UNC13A: variants seen among roughly 807,000 people sequenced by gnomAD.
The protein encoded by UNC13A is unc-13 homolog A, also known as protein unc-13 homolog A.
In UNC13A, 61 loss-of-function variants were observed where a neutral mutation model predicts 219.7. That is an observed-to-expected ratio of 0.28 (90% CI 0.23 to 0.34). The LOEUF is 0.34. Ranked by LOEUF, UNC13A falls within the 10% of genes least tolerant of loss-of-function variation. UNC13A has a pLI of 1.00. For missense variants in UNC13A, 1,476 were observed against 2,270.3 expected, an observed-to-expected ratio of 0.65 and a Z score of 7.11; for synonymous variants, 920 against 884.6, an observed-to-expected ratio of 1.04 and a Z score of -0.71.
chr19:17,621,803 G>C (rs749871754), intron 37 of UNC13A, 29 bp downstream of exon 37: 6 of 1,613,320 alleles, frequency 3.7e-6, no homozygotes, highest in Non-Finnish European at 5.1e-6. Flanking sequence ...CTGGAGCTCA[G>C]GGCCTCAGTG....
At chr19:17,662,477 A>C (rs978472268) in intron 8 of UNC13A, among the ~76,000 whole-genome samples, 3 of 152,128 alleles carry the variant, frequency 2.0e-5, no homozygotes, top group African/African-American at 7.2e-5. Context: ...TGTAATAATA[A>C]TAATAATAAA....
At chr19:17,606,951 A>G (rs1210920065) in intron 43 of UNC13A, among the ~76,000 whole-genome samples, 3 of 152,026 alleles carry the variant, frequency 2.0e-5, no homozygotes, top group African/African-American at 7.2e-5. Context: ...CCCTGACGCC[A>G]GCTGGATAAG....
intron 26 of UNC13A, among the ~76,000 whole-genome samples, chr19:17,633,474 C>G (rs896889859): frequency 6.6e-6 from 1 of 152,092 alleles, no homozygotes; most frequent in African/African-American, 2.4e-5. Flanking sequence ...ATCCATTCAT[C>G]CATCCTTCCA....
chr19:17,617,402 A>G (rs556219964), intron 41 of UNC13A, among the ~76,000 whole-genome samples: 1 of 152,236 alleles, frequency 6.6e-6, no homozygotes, highest in East Asian at 1.9e-4. Context: ...CCTAAGAGTC[A>G]TCAATCCTAC....
chr19:17,621,799 C>A, intron 37 of UNC13A, 33 bp downstream of exon 37: 2 of 1,610,658 alleles, frequency 1.2e-6, no homozygotes, highest in Non-Finnish European at 1.7e-6. Context: ...GACACTGGAG[C>A]TCAGGGCCTC....
chr19:17,611,044 A>AAAT (rs143713133), intron 42 of UNC13A, among the ~76,000 whole-genome samples: 205 of 152,176 alleles, frequency 1.3e-3, no homozygotes, highest in African/African-American at 4.8e-3. Context: ...TAAAACAAAC[A>AAAT]AACAACAACA....
chr19:17,615,159 C>G (rs2076649563), intron 41 of UNC13A, among the ~76,000 whole-genome samples: 1 of 152,214 alleles, frequency 6.6e-6, no homozygotes, highest in Non-Finnish European at 1.5e-5. Flanking sequence ...TGATGTACCC[C>G]TCGTGGGGCA....
In UNC13A at chr19:17,645,774, G is replaced by A. The variant is rs775989785; in HGVS notation, c.2256C>T (p.Arg752=). ...ATTCCCTCTTGAACCTCTGTTTCAC[G>A]CGGGATTTGATGTCGTCATCCTCGT... ...VWDEDDDIKS[R]VKQRFKRESD... The change falls in exon 19 of 44, where the codon CGC becomes CGT. Residue 752 remains arginine (R), a synonymous_variant. Coordinates refer to ENST00000519716, the MANE Select transcript of UNC13A (RefSeq NM_001080421.3). 27 of 1,613,954 alleles carry A rather than the reference G, an allele frequency of 1.7e-5. No individual in the cohort carries two copies. The East Asian group carries it at 2.4e-4, about 15-fold the overall frequency.
intron 2 of UNC13A, among the ~76,000 whole-genome samples, 197 bp downstream of exon 2, chr19:17,675,815 G>T (rs1232290267): frequency 6.6e-6 from 1 of 151,940 alleles, no homozygotes; most frequent in African/African-American, 2.4e-5. Flanking sequence ...GGGGAGACCC[G>T]GGGACCCCCA....
Position 17,668,173 on chromosome 19 carries a change from C to T in UNC13A, c.412G>A (p.Ala138Thr). ...ELPLDIPEEE[A>T]RYWAKKLEQL... ...TCCAGCTTCTTGGCCCAGTAGCGAGCCTCCTCTTCAGGAATGTCTGCAAGC... is the reference window on the plus strand; with the variant it reads ...TCCAGCTTCTTGGCCCAGTAGCGAGTCTCCTCTTCAGGAATGTCTGCAAGC... The change falls in exon 6 of 44, where the codon GCT becomes ACT. Residue 138 changes from alanine to threonine, a missense_variant. Around this residue, in one of 14 missense-constraint regions of UNC13A, gnomAD observed 203 missense variants for 301.6 expected, o/e 0.67. Coordinates refer to ENST00000519716, the MANE Select transcript of UNC13A (RefSeq NM_001080421.3). 1 of 1,613,648 alleles carries T rather than the reference C, an allele frequency of 6.2e-7. No homozygotes were observed. The highest frequency in any genetic ancestry group is 1.7e-5 in the Admixed American group (1 of 59,998).
Position 17,618,920 on chromosome 19 carries a change from G to A in UNC13A, c.4315C>T (p.Leu1439=), listed in dbSNP as rs2076696676. The A allele has an allele frequency of 1.2e-6, 2 of 1,613,970 alleles. No homozygotes were observed. The highest frequency in any genetic ancestry group is 1.7e-6 in the Non-Finnish European group (2 of 1,179,880). The change falls in exon 39 of 44, where the codon CTG becomes TTG. Residue 1439 remains leucine, a synonymous_variant. Transcript: ENST00000519716. ...IFNAAKELGQ[L]SKLKDHMVRE... ...CCACTCCTCACCTTGAGTTTGGACA[G>A]CTGACCCAGCTCCTTGGCTGCATTG...
chr19:17,675,645 A>G (rs1428233611), intron 2 of UNC13A, among the ~76,000 whole-genome samples: 2 of 120,730 alleles, frequency 1.7e-5, no homozygotes, highest in Non-Finnish European at 3.4e-5. Context: ...AAAAAAAAAA[A>G]AGAAGAAGAA....
intron 24 of UNC13A, 109 bp downstream of exon 24, chr19:17,639,327 G>T: frequency 1.3e-6 from 2 of 1,572,072 alleles, no homozygotes; most frequent in Non-Finnish European, 1.7e-6. Context: ...GAAAGGAAAA[G>T]GTTACTGAGA....
At chr19:17,607,815 C>A (rs1254057636) in intron 43 of UNC13A, among the ~76,000 whole-genome samples, 1 of 151,814 alleles carries the variant, frequency 6.6e-6, no homozygotes, top group Non-Finnish European at 1.5e-5. Flanking sequence ...AAGGATCTAC[C>A]CCGGATGACC....
In UNC13A at chr19:17,606,087, G is replaced by C. The variant is rs3746198; in HGVS notation, c.5079C>G (p.Ser1693=). ...EFVKLKSDTR[S]AEEGGAAPAP is the part of the protein sequence containing the mutation. ...CAGGCGCGGCACCGCCCTCCTCGGC[G>C]GAGCGCGTGTCCGACTTGAGCTTCA... Residue 1693 remains serine (S), a synonymous_variant, in exon 44 of 44, where the codon TCC becomes TCG. Coordinates refer to ENST00000519716, the MANE Select transcript of UNC13A (RefSeq NM_001080421.3). The C allele has an allele frequency of 2.5e-6, 4 of 1,588,206 alleles. No homozygotes were observed. In the East Asian group the frequency reaches 7.2e-5, roughly 28 times the overall value.
chr19:17,639,062 C>A (rs2076940416), intron 25 of UNC13A, 21 bp downstream of exon 25: 2 of 1,564,200 alleles, frequency 1.3e-6, no homozygotes, highest in East Asian at 4.7e-5. Flanking sequence ...CTGTTCCCTT[C>A]TGACCCATCT....
chr19:17,623,750 C>T (rs1259949795), intron 35 of UNC13A, among the ~76,000 whole-genome samples: 3 of 152,082 alleles, frequency 2.0e-5, no homozygotes, highest in Non-Finnish European at 2.9e-5. Context: ...CTCACCCTCC[C>T]CAAGCCTCCG....
chr19:17,611,283 A>G (rs1474302094), intron 42 of UNC13A, among the ~76,000 whole-genome samples: 1 of 152,140 alleles, frequency 6.6e-6, no homozygotes, highest in Non-Finnish European at 1.5e-5. Context: ...TCCCGGGTTC[A>G]AGCGATCCTC....
At chr19:17,658,417 G>A (rs1482117183) in intron 8 of UNC13A, 148 bp from the exon 9 acceptor site, 3 of 781,910 alleles carry the variant, frequency 3.8e-6, no homozygotes, top group Non-Finnish European at 6.3e-6. Flanking sequence ...CATGTTAATA[G>A]AGATATAGGC....
Sources: gnomAD v4.1 joint callset for allele counts (sites outside exome capture counted in the v4.1 genomes callset) on GRCh38, gnomAD v4.1.1 for gene constraint, gnomAD v4.1.1 regional missense constraint, MANE v1.5 for transcripts, NCBI Gene and HGNC (gene_info 2026-07-23, HGNC 2026-07-21) for gene names.